DLG2: variants seen among roughly 807,000 people sequenced by gnomAD.
The protein encoded by DLG2 is discs large MAGUK scaffold protein 2, also known as disks large homolog 2.
Under a neutral mutation model 132.5 loss-of-function variants are expected in DLG2, and 45 were observed. That is an observed-to-expected ratio of 0.34 (90% CI 0.27 to 0.44). The LOEUF is 0.44. Among genes scored for constraint, DLG2 ranks in the 20% least tolerant of loss-of-function variants. DLG2 has a pLI of 1.00. For missense variants in DLG2, 1,045 were observed against 1,196.9 expected (o/e 0.87, Z 1.87); for synonymous variants, 424 against 419.6 (o/e 1.01, Z -0.13).
At chr11:83,822,433 A>C (rs1346411086) in intron 17 of DLG2, among the ~76,000 whole-genome samples, 2 of 152,166 alleles carry the variant, frequency 1.3e-5, no homozygotes, top group African/African-American at 4.8e-5. Context: ...CCCAGTGTTC[A>C]GATATGCTTC....
chr11:85,292,602 C>T (rs1474792108), intron 3 of DLG2, among the ~76,000 whole-genome samples: 6 of 134,318 alleles, frequency 4.5e-5, no homozygotes, highest in African/African-American at 1.6e-4. Flanking sequence ...TGGGCTTCTT[C>T]TGTGCCTAGA....
chr11:84,173,485 C>A (rs553760715), intron 8 of DLG2, among the ~76,000 whole-genome samples: 2 of 152,116 alleles, frequency 1.3e-5, no homozygotes, highest in African/African-American at 4.8e-5. Context: ...AAGCAAGTGT[C>A]CAAAAGTATC....
intron 8 of DLG2, among the ~76,000 whole-genome samples, chr11:84,220,267 T>C (rs1268605903): frequency 6.6e-6 from 1 of 152,240 alleles, no homozygotes; most frequent in Non-Finnish European, 1.5e-5. Context: ...CTTATGGTAC[T>C]AGACCACAGA....
chr11:85,291,778 T>C (rs2078909162), intron 3 of DLG2, among the ~76,000 whole-genome samples: 2 of 151,906 alleles, frequency 1.3e-5, no homozygotes, highest in Non-Finnish European at 2.9e-5. Context: ...AGAGATAGGG[T>C]TTCACCACAT....
chr11:83,627,509 C>T (rs759673875), intron 19 of DLG2, among the ~76,000 whole-genome samples: 2 of 152,148 alleles, frequency 1.3e-5, no homozygotes, highest in Non-Finnish European at 1.5e-5. Context: ...CGATGGTTTC[C>T]AGCTTCATCC....
In DLG2 at chr11:84,099,008, C is replaced by G; in HGVS notation, c.664G>C (p.Asp222His). The G allele has an allele frequency of 6.2e-7, 1 of 1,612,738 alleles. No individual in the cohort carries two copies. The highest frequency in any genetic ancestry group is 8.5e-7 in the Non-Finnish European group (1 of 1,178,862). The change falls in exon 10 of 28, where the codon GAT becomes CAT. Residue 222 changes from aspartate to histidine, a missense_variant. Coordinates refer to ENST00000376104, the MANE Select transcript of DLG2 (RefSeq NM_001142699.3). ...GLGFSIAGGT[D>H]NPHIGDDPGI... Reference sequence around the variant, plus strand: ...GGGTCATCTCCAATGTGGGGATTATCTGTCCCCCCAGCAATACTGAATCCC... The same window carrying G: ...GGGTCATCTCCAATGTGGGGATTATGTGTCCCCCCAGCAATACTGAATCCC...
intron 6 of DLG2, among the ~76,000 whole-genome samples, chr11:85,008,684 T>C (rs1035723441): frequency 6.6e-6 from 1 of 152,064 alleles, no homozygotes; most frequent in Non-Finnish European, 1.5e-5. Context: ...AATGCATAAA[T>C]ATTTATTAAG....
At chr11:84,903,022 T>G (rs1334079300) in intron 6 of DLG2, among the ~76,000 whole-genome samples, 2 of 148,344 alleles carry the variant, frequency 1.3e-5, no homozygotes, top group Non-Finnish European at 3.0e-5. Flanking sequence ...TTACAATAGC[T>G]TCTTAACTCT....
At chr11:85,441,977 A>G (rs1405486855) in intron 3 of DLG2, among the ~76,000 whole-genome samples, 1 of 152,140 alleles carries the variant, frequency 6.6e-6, no homozygotes. Flanking sequence ...CAGAATGATG[A>G]GAAGAAAACC....
At chr11:84,270,726 A>T (rs2054022) in intron 7 of DLG2, among the ~76,000 whole-genome samples, 19,061 of 152,240 alleles carry the variant, frequency 0.13, 1,233 homozygotes, top group Admixed American at 0.17. Flanking sequence ...AGATGCACAG[A>T]AGAGCATTTA....
Position 84,748,894 on chromosome 11 carries a change from G to T in DLG2, c.358-214163C>A, listed in dbSNP as rs186149334. ...CATTAGCCTGAAAGACAGAGGCTGG[G>T]TGTTATGGCTCACGCCTATAATCGC... On this transcript the variant is annotated intron_variant, in intron 6 of 27. Transcript: ENST00000376104. Among the ~76,000 whole-genome samples, 413 of 152,312 alleles carry T rather than the reference G, an allele frequency of 2.7e-3. 3 individuals are homozygous for T. The highest frequency in any genetic ancestry group is 4.3e-3 in the Non-Finnish European group (295 of 68,032).
intron 7 of DLG2, among the ~76,000 whole-genome samples, chr11:84,361,402 A>G (rs1292131185): frequency 6.6e-6 from 1 of 151,964 alleles, no homozygotes; most frequent in Non-Finnish European, 1.5e-5. Flanking sequence ...ATAAATAACT[A>G]TTCAGATCAT....
intron 3 of DLG2, among the ~76,000 whole-genome samples, chr11:85,438,760 C>G (rs1175486060): frequency 1.3e-5 from 2 of 152,130 alleles, no homozygotes; most frequent in African/African-American, 4.8e-5. Flanking sequence ...GTTCCAGTTT[C>G]TACTATCGGA....
intron 26 of DLG2, among the ~76,000 whole-genome samples, chr11:83,465,858 G>A (rs754099998): frequency 1.3e-5 from 2 of 152,176 alleles, no homozygotes; most frequent in Non-Finnish European, 2.9e-5. Flanking sequence ...GCAAAGTAAA[G>A]AACCAAATCT....
intron 16 of DLG2, among the ~76,000 whole-genome samples, chr11:83,873,935 C>T (rs2063998540): frequency 6.6e-6 from 1 of 152,180 alleles, no homozygotes; most frequent in Non-Finnish European, 1.5e-5. Context: ...TACACTGTAT[C>T]ACAAGTGTGT....
intron 6 of DLG2, among the ~76,000 whole-genome samples, chr11:85,108,855 C>A (rs2072245487): frequency 6.6e-6 from 1 of 152,008 alleles, no homozygotes; most frequent in Non-Finnish European, 1.5e-5. Context: ...AAAGAAGTAA[C>A]ATTGATTGTA....
In DLG2 at chr11:84,189,923, C is replaced by T. The variant is rs192290179; in HGVS notation, c.574-26412G>A. ...TGATCTGTGCAACAAACCACCATGG[C>T]ACACGTTTCCCTATGTAACAACTCT... On this transcript the variant is annotated intron_variant, in intron 8 of 27. Transcript: ENST00000376104. 6.3e-4 allele frequency among the ~76,000 whole-genome samples: 95 copies of T among 151,666 alleles called. 1 individual carries two copies. The highest frequency in any genetic ancestry group is 2.1e-3 in the African/African-American group (86 of 41,300).
chr11:85,209,921 T>C (rs2082150983), intron 4 of DLG2, among the ~76,000 whole-genome samples: 1 of 152,018 alleles, frequency 6.6e-6, no homozygotes, highest in African/African-American at 2.4e-5. Flanking sequence ...TTGTACCTTT[T>C]ATTCTCCCTA....
chr11:85,439,648 C>T (rs778500970), intron 3 of DLG2, among the ~76,000 whole-genome samples: 26 of 152,166 alleles, frequency 1.7e-4, no homozygotes, highest in Non-Finnish European at 2.8e-4. Context: ...TGTGAGCCAC[C>T]GCGCCCGGCC....
Sources: allele counts gnomAD v4.1 joint callset (sites outside exome capture counted in the v4.1 genomes callset), GRCh38; gene constraint gnomAD v4.1.1; transcripts MANE v1.5; gene names NCBI Gene and HGNC (gene_info 2026-07-23, HGNC 2026-07-21).